Variants in IQCM observed in about 807,000 individuals in gnomAD.
The protein encoded by IQCM is IQ domain-containing protein M.
In IQCM, 45 loss-of-function variants were observed where a neutral mutation model predicts 57.6. The ratio of observed to expected loss-of-function variants is 0.78; its 90% CI spans 0.62 to 1.00. The LOEUF is 1.00. Among genes scored for constraint, IQCM ranks in the 50% least tolerant of loss-of-function variants. The pLI, the probability that IQCM is intolerant of heterozygous loss-of-function variation, is 0.00. For synonymous variants in IQCM, 148 were observed against 158.9 expected (o/e 0.93, Z 0.51); for missense variants, 468 against 511.6 (o/e 0.91, Z 0.82).
At chr4:149,533,378 A>C (rs550769106) in intron 12 of IQCM, among the ~76,000 whole-genome samples, 1 of 152,260 alleles carries the variant, frequency 6.6e-6, no homozygotes, top group Non-Finnish European at 1.5e-5. Flanking sequence ...ACAGCAACAG[A>C]CAACTAAGGT....
intron 7 of IQCM, among the ~76,000 whole-genome samples, chr4:149,680,172 G>A (rs999194896): frequency 1.1e-4 from 16 of 150,980 alleles, no homozygotes; most frequent in Non-Finnish European, 1.9e-4. Flanking sequence ...CATTTTAAAG[G>A]AAAAAAGAAC....
rs575323652 is a variant in IQCM, at chr4:149,810,102, G to C, written c.-49+5209C>G. ...CACAGGTATTACAATGTTAGAGTAC[G>C]GGCTGGACATGGTGGCTCACACCGG... is the stretch of plus-strand genomic sequence containing the variant. On this transcript the variant is annotated intron_variant, in intron 2 of 13. Transcript: ENST00000636793. Among the ~76,000 whole-genome samples, 48 of 152,078 alleles carry C rather than the reference G, an allele frequency of 3.2e-4. No homozygotes were observed. In the East Asian group the frequency reaches 8.8e-3, roughly 28 times the overall value.
At chr4:149,361,879 A>G (rs114860652) in intron 13 of IQCM, among the ~76,000 whole-genome samples, 185 of 152,234 alleles carry the variant, frequency 1.2e-3, no homozygotes, top group African/African-American at 4.1e-3. Context: ...TGCTAAATCC[A>G]TCAACAGCTT....
chr4:149,604,707 C>G (rs1209410796), intron 8 of IQCM, among the ~76,000 whole-genome samples: 1 of 152,094 alleles, frequency 6.6e-6, no homozygotes, highest in Non-Finnish European at 1.5e-5. Context: ...TAAATTTATT[C>G]CTAAGAACAT....
At chr4:149,752,981 G>A (rs945787699) in intron 2 of IQCM, among the ~76,000 whole-genome samples, 1 of 152,180 alleles carries the variant, frequency 6.6e-6, no homozygotes, top group African/African-American at 2.4e-5. Flanking sequence ...TATCAAAGGG[G>A]CAGGAGCCCC....
Position 149,708,139 on chromosome 4 carries a change from C to T in IQCM, c.386-21671G>A, listed in dbSNP as rs183039413. Among the ~76,000 whole-genome samples, 21 of 152,128 alleles carry T rather than the reference C, an allele frequency of 1.4e-4. No homozygotes were observed. In the East Asian group the frequency reaches 3.5e-3, roughly 25 times the overall value. On this transcript the variant is annotated intron_variant, in intron 5 of 13. Transcript: ENST00000636793. ...CTTCACACAGTCAGAATGTTTCCCA[C>T]GTTCAAGCTAAAGACTTACAGCTTT...
chr4:149,591,739 G>T (rs1490969873), intron 8 of IQCM, among the ~76,000 whole-genome samples: 1 of 152,108 alleles, frequency 6.6e-6, no homozygotes, highest in African/African-American at 2.4e-5. Context: ...TGCTGAGAAT[G>T]ATGGTTTCCA....
chr4:149,760,385 ATT>A (rs1769389362), intron 2 of IQCM, among the ~76,000 whole-genome samples: 1 of 152,172 alleles, frequency 6.6e-6, no homozygotes, highest in African/African-American at 2.4e-5. Flanking sequence ...AAATGACTTT[ATT>A]AAGAACTATT....
At chr4:149,407,268 A>C (rs888936833) in intron 13 of IQCM, among the ~76,000 whole-genome samples, 2 of 152,104 alleles carry the variant, frequency 1.3e-5, no homozygotes, top group African/African-American at 4.8e-5. Context: ...GTTAATTTTC[A>C]ATTTAATTAT....
At chr4:149,458,788 T>C (rs1560865065) in intron 12 of IQCM, among the ~76,000 whole-genome samples, 1 of 152,144 alleles carries the variant, frequency 6.6e-6, no homozygotes, top group Non-Finnish European at 1.5e-5. Flanking sequence ...ATTTAGTAAT[T>C]GATTAATAGG....
chr4:149,724,975 A>C (rs1765765364), intron 5 of IQCM, among the ~76,000 whole-genome samples: 1 of 152,158 alleles, frequency 6.6e-6, no homozygotes, highest in Non-Finnish European at 1.5e-5. Context: ...GCAGAATGAC[A>C]ATACAAACTG....
chr4:149,616,959 T>C (rs1250495943), intron 8 of IQCM, among the ~76,000 whole-genome samples: 1 of 131,128 alleles, frequency 7.6e-6, no homozygotes, highest in Non-Finnish European at 1.6e-5. Context: ...ATCCTGGAAC[T>C]TTTTTTTTTT....
intron 13 of IQCM, among the ~76,000 whole-genome samples, chr4:149,377,487 T>C (rs1306849355): frequency 2.6e-5 from 4 of 152,168 alleles, no homozygotes; most frequent in Non-Finnish European, 5.9e-5. Context: ...TTCTCCATTT[T>C]CTCTGACCTG....
chr4:149,765,569 G>A (rs180712577), intron 2 of IQCM, among the ~76,000 whole-genome samples: 3 of 151,946 alleles, frequency 2.0e-5, no homozygotes. Flanking sequence ...CTTCTGGTTG[G>A]GGACTGAAAA....
intron 7 of IQCM, among the ~76,000 whole-genome samples, chr4:149,637,595 A>T (rs1343201511): frequency 6.6e-6 from 1 of 152,180 alleles, no homozygotes; most frequent in Non-Finnish European, 1.5e-5. Flanking sequence ...AAAGAAACAA[A>T]ACTGGAAGGC....
intron 10 of IQCM, among the ~76,000 whole-genome samples, chr4:149,555,903 C>G (rs1304914096): frequency 6.6e-6 from 1 of 152,138 alleles, no homozygotes; most frequent in African/African-American, 2.4e-5. Context: ...TAAGGGAGCC[C>G]TTTTCAGATC....
chr4:149,472,020 A>C (rs1739617212), intron 12 of IQCM, among the ~76,000 whole-genome samples: 1 of 152,170 alleles, frequency 6.6e-6, no homozygotes, highest in Admixed American at 6.5e-5. Context: ...TATCATACTG[A>C]ATGGACAAAA....
intron 9 of IQCM, among the ~76,000 whole-genome samples, chr4:149,580,441 T>C (rs1307323597): frequency 1.3e-5 from 2 of 151,872 alleles, no homozygotes; most frequent in Non-Finnish European, 2.9e-5. Flanking sequence ...AGCCAGAATG[T>C]ACACAAAAAG....
At chr4:149,457,485 A>G (rs556419145) in intron 12 of IQCM, among the ~76,000 whole-genome samples, 1 of 152,206 alleles carries the variant, frequency 6.6e-6, no homozygotes, top group African/African-American at 2.4e-5. Flanking sequence ...ATTCATCTGG[A>G]ATACTTGATT....
Sources: allele counts gnomAD v4.1 joint callset (sites outside exome capture counted in the v4.1 genomes callset), GRCh38; gene constraint gnomAD v4.1.1; transcripts MANE v1.5; gene names NCBI Gene and HGNC (gene_info 2026-07-23, HGNC 2026-07-21).